Variants in RERE observed in about 807,000 individuals in gnomAD.
The protein encoded by RERE is arginine-glutamic acid dipeptide repeats, also known as arginine-glutamic acid dipeptide repeats protein.
Under a neutral mutation model 146.1 loss-of-function variants are expected in RERE, and 40 were observed. That is an observed-to-expected ratio of 0.27 (90% CI 0.21 to 0.36). The LOEUF is 0.36. RERE is among the 10% of genes least tolerant of loss of function. The pLI is 1.00. For synonymous variants in RERE, 1,003 were observed against 866.0 expected (o/e 1.16, Z -2.78); for missense variants, 1,933 against 2,138.7 (o/e 0.90, Z 1.90).
chr1:8,709,993 C>T (rs1409965655), intron 1 of RERE, among the ~76,000 whole-genome samples: 1 of 152,190 alleles, frequency 6.6e-6, no homozygotes, highest in African/African-American at 2.4e-5. Context: ...ACCTTTCTGG[C>T]GATTCTCTCT....
intron 12 of RERE, among the ~76,000 whole-genome samples, chr1:8,399,299 G>A (rs114425380): frequency 7.6e-4 from 116 of 152,000 alleles, no homozygotes; most frequent in African/African-American, 2.7e-3. Flanking sequence ...TCCCTACTCA[G>A]GGAACATTAA....
At chr1:8,641,958 CCTTAA>C (rs1360656329) in intron 2 of RERE, among the ~76,000 whole-genome samples, 2 of 152,084 alleles carry the variant, frequency 1.3e-5, no homozygotes, top group Admixed American at 6.6e-5. Context: ...CAGTTCACTT[CCTTAA>C]CTTAATATAC....
chr1:8,449,358 C>T (rs1270838456), intron 11 of RERE, among the ~76,000 whole-genome samples: 1 of 152,130 alleles, frequency 6.6e-6, no homozygotes, highest in Non-Finnish European at 1.5e-5. Context: ...CTAGACAGAG[C>T]CCCATTTTGG....
intron 1 of RERE, among the ~76,000 whole-genome samples, chr1:8,808,075 T>C (rs1402120319): frequency 6.8e-6 from 1 of 147,852 alleles, no homozygotes; most frequent in African/African-American, 2.5e-5. Context: ...ACCCTCAAGA[T>C]CGAGGCTGCA....
At chr1:8,707,256 A>T (rs1052719681) in intron 1 of RERE, among the ~76,000 whole-genome samples, 1 of 152,252 alleles carries the variant, frequency 6.6e-6, no homozygotes, top group Non-Finnish European at 1.5e-5. Flanking sequence ...GTGAGCTGAC[A>T]TCTGACTTTA....
intron 2 of RERE, among the ~76,000 whole-genome samples, chr1:8,633,256 C>CA (rs200341841): frequency 2.0e-5 from 3 of 152,004 alleles, no homozygotes; most frequent in Admixed American, 1.3e-4. Flanking sequence ...TCCATCTCTA[C>CA]AAAAAAAATT....
chr1:8,670,016 T>C (rs970296301), intron 1 of RERE, among the ~76,000 whole-genome samples: 1 of 152,176 alleles, frequency 6.6e-6, no homozygotes, highest in Non-Finnish European at 1.5e-5. Context: ...TTTAAACACT[T>C]AGAATCTCTA....
intron 1 of RERE, among the ~76,000 whole-genome samples, chr1:8,727,940 A>G (rs899981466): frequency 6.6e-6 from 1 of 152,268 alleles, no homozygotes; most frequent in African/African-American, 2.4e-5. Flanking sequence ...TGTAGCATAT[A>G]TTAATTAATC....
intron 1 of RERE, among the ~76,000 whole-genome samples, chr1:8,723,106 G>A (rs1429203790): frequency 6.6e-6 from 1 of 152,168 alleles, no homozygotes; most frequent in East Asian, 1.9e-4. Context: ...TCTTAACACA[G>A]CTATCAAATC....
intron 12 of RERE, among the ~76,000 whole-genome samples, chr1:8,399,004 T>A (rs1229239233): frequency 4.6e-5 from 7 of 152,164 alleles, no homozygotes; most frequent in Admixed American, 3.3e-4. Flanking sequence ...TTAGTGAGGC[T>A]GCAAAACTTT....
At chr1:8,502,755 C>T (rs1443199409) in intron 8 of RERE, among the ~76,000 whole-genome samples, 1 of 148,648 alleles carries the variant, frequency 6.7e-6, no homozygotes, top group Admixed American at 6.7e-5. Context: ...AAAAATTCTT[C>T]TGCCTTGGGA....
chr1:8,610,990 C>T (rs1198458994), intron 4 of RERE, among the ~76,000 whole-genome samples: 5 of 151,438 alleles, frequency 3.3e-5, no homozygotes, highest in Non-Finnish European at 2.9e-5. Flanking sequence ...GTCAGGCAGT[C>T]AAGATCATAC....
intron 10 of RERE, among the ~76,000 whole-genome samples, chr1:8,470,212 A>G (rs2124143045): frequency 6.6e-6 from 1 of 152,292 alleles, no homozygotes; most frequent in African/African-American, 2.4e-5. Flanking sequence ...CCCTACACAA[A>G]GACACATCTG....
intron 1 of RERE, among the ~76,000 whole-genome samples, chr1:8,795,705 G>A (rs573776601): frequency 5.3e-5 from 8 of 151,948 alleles, no homozygotes; most frequent in East Asian, 1.9e-4. Flanking sequence ...TTACATGGCC[G>A]GGCACAGTGG....
intron 2 of RERE, among the ~76,000 whole-genome samples, chr1:8,640,280 T>G (rs1202584657): frequency 6.6e-6 from 1 of 152,236 alleles, no homozygotes; most frequent in African/African-American, 2.4e-5. Flanking sequence ...CCAACTTTTT[T>G]TTTTAAACTA....
In RERE at chr1:8,364,431, G is replaced by A. The variant is rs1641717869; in HGVS notation, c.1541-176C>T. Among the ~76,000 whole-genome samples, 1 of 152,002 alleles carries A rather than the reference G, an allele frequency of 6.6e-6. No homozygotes were observed. Among genetic ancestry groups the A allele is most frequent in the Non-Finnish European group, 1.5e-5 (1 of 67,980 alleles). On this transcript the variant is annotated intron_variant, in intron 14 of 22. Coordinates refer to ENST00000400908, the MANE Select transcript of RERE (RefSeq NM_001042681.2). This position sits in a 1 kb window ranked among gnomAD's most constrained non-coding sequence, Gnocchi z 5.1. ...CCCTGCTCCCCCAAGGCCAGGAGAGGGTTTCAGGGGCATCTGCTGCCCACT... is the reference window on the plus strand; with the variant it reads ...CCCTGCTCCCCCAAGGCCAGGAGAGAGTTTCAGGGGCATCTGCTGCCCACT...
At chr1:8,446,044 T>C (rs890589560) in intron 11 of RERE, among the ~76,000 whole-genome samples, 6 of 152,244 alleles carry the variant, frequency 3.9e-5, no homozygotes, top group Non-Finnish European at 8.8e-5. Context: ...TCAGGAGCTC[T>C]TGTAAGGCAG....
At chr1:8,525,765 G>T in intron 7 of RERE, 1 of 1,599,062 alleles carries the variant, frequency 6.3e-7, no homozygotes, top group Non-Finnish European at 8.5e-7. Context: ...CTACCTGCAG[G>T]GGCTGAATGG....
chr1:8,405,679 G>A (rs1643418809), intron 12 of RERE, among the ~76,000 whole-genome samples: 1 of 151,912 alleles, frequency 6.6e-6, no homozygotes, highest in African/African-American at 2.4e-5. Flanking sequence ...TCACTCTGTT[G>A]CCAGGCTGGA....
Sources: gnomAD v4.1 joint callset for allele counts (sites outside exome capture counted in the v4.1 genomes callset) on GRCh38, gnomAD v4.1.1 for gene constraint, Gnocchi (gnomAD v3.1) non-coding constraint, MANE v1.5 for transcripts, NCBI Gene and HGNC (gene_info 2026-07-23, HGNC 2026-07-21) for gene names.